The following CTIF variants were observed in gnomAD, a reference collection of about 807,000 sequenced individuals.
CTIF encodes CBP80/20-dependent translation initiation factor.
CTIF carries 21 observed loss-of-function variants against 66.0 expected under a neutral mutation model. That is an observed-to-expected ratio of 0.32 (90% CI 0.23 to 0.46). CTIF has a LOEUF of 0.46. CTIF is among the 20% of genes least tolerant of loss of function. CTIF has a pLI of 1.00. For synonymous variants in CTIF, 345 were observed against 326.4 expected (o/e 1.06, Z -0.62); for missense variants, 739 against 812.7 (o/e 0.91, Z 1.10).
intron 7 of CTIF, among the ~76,000 whole-genome samples, chr18:48,724,513 C>A (rs1430615170): frequency 2.0e-5 from 3 of 152,210 alleles, no homozygotes; most frequent in Non-Finnish European, 4.4e-5. Context: ...CCTCTTGTTC[C>A]TGCTGGCCTC....
At chr18:48,695,623 A>T (rs959432873) in intron 6 of CTIF, among the ~76,000 whole-genome samples, 1 of 152,214 alleles carries the variant, frequency 6.6e-6, no homozygotes, top group Non-Finnish European at 1.5e-5. Context: ...AGAATAGATA[A>T]TCGTAGTACC....
chr18:48,679,933 T>C (rs1020785825), intron 6 of CTIF, among the ~76,000 whole-genome samples: 14 of 151,352 alleles, frequency 9.2e-5, no homozygotes, highest in African/African-American at 3.4e-4. Context: ...CTGTTGAGAG[T>C]GGGGGAGTCC....
chr18:48,857,472 T>C (rs1647397063), intron 10 of CTIF, 116 bp from the exon 11 acceptor site: 1 of 830,014 alleles, frequency 1.2e-6, no homozygotes, highest in South Asian at 1.9e-5. Flanking sequence ...TTGGAGATGT[T>C]TGTTACAGGC....
chr18:48,708,164 A>G (rs2092182375), intron 6 of CTIF, among the ~76,000 whole-genome samples: 1 of 152,182 alleles, frequency 6.6e-6, no homozygotes, highest in Admixed American at 6.5e-5. Context: ...CTTATGAACA[A>G]TGCTGCCCAG....
intron 6 of CTIF, among the ~76,000 whole-genome samples, chr18:48,676,616 G>A (rs375582829): frequency 1.2e-4 from 18 of 152,156 alleles, no homozygotes; most frequent in African/African-American, 3.6e-4. Flanking sequence ...GACGCCACCC[G>A]GTCAAGTGGG....
At chr18:48,730,438 CCCCTGTGGTGTGAGGGGCT>C in intron 7 of CTIF, among the ~76,000 whole-genome samples, 1 of 135,878 alleles carries the variant, frequency 7.4e-6, no homozygotes, top group Admixed American at 7.2e-5. Flanking sequence ...CTGTGAGGGG[CCCCTGTGGTGTGAGGGGCT>C]TCCGCGGTGT....
chr18:48,803,777 G>C lies in CTIF; in HGVS notation c.1372-13444G>C, dbSNP rs555227677. Among the ~76,000 whole-genome samples, 7 of 152,306 alleles carry C rather than the reference G, an allele frequency of 4.6e-5. No homozygotes were observed. In the East Asian group the frequency reaches 1.2e-3, roughly 25 times the overall value. On this transcript the variant is annotated intron_variant, in intron 9 of 11. Coordinates refer to ENST00000256413, the MANE Select transcript of CTIF (RefSeq NM_014772.3). ...TTTGAGGGTTTGACATTTGGGGAGG[G>C]GGGGCTCTGTCTTCCTTTTGGCTCA...
intron 9 of CTIF, among the ~76,000 whole-genome samples, chr18:48,807,092 A>T (rs183211583): frequency 1.3e-5 from 2 of 152,316 alleles, no homozygotes; most frequent in Admixed American, 1.3e-4. Context: ...CGGTTGGCAG[A>T]AAGGACTCCT....
At chr18:48,846,743 A>T (rs1393214387) in intron 10 of CTIF, among the ~76,000 whole-genome samples, 1 of 151,544 alleles carries the variant, frequency 6.6e-6, no homozygotes, top group Non-Finnish European at 1.5e-5. Flanking sequence ...GGATGGATGG[A>T]TGAGTAGGTG....
intron 6 of CTIF, among the ~76,000 whole-genome samples, chr18:48,681,645 C>T (rs1480106486): frequency 1.3e-5 from 2 of 152,202 alleles, no homozygotes; most frequent in Admixed American, 1.3e-4. Flanking sequence ...CGGCTTCTTT[C>T]CTGTGACTCC....
chr18:48,713,551 G>A (rs2092250335), intron 7 of CTIF, among the ~76,000 whole-genome samples: 1 of 152,136 alleles, frequency 6.6e-6, no homozygotes, highest in Admixed American at 6.5e-5. Context: ...CCAATGTCCG[G>A]GTTAGGTCAG....
At position 48,859,848 on chromosome 18, in the gene CTIF, C is replaced by T. The variant is rs1195513334; in HGVS notation, c.*289C>T. On this transcript the variant is annotated 3_prime_UTR_variant, in exon 12 of 12. Coordinates refer to ENST00000256413, the MANE Select transcript of CTIF (RefSeq NM_014772.3). Reference sequence around the variant, plus strand: ...CCCCTTCCTCACTCCCGCCTCTCCCCTCCCCATCAGACCCATCCCCCACGG... The same window carrying T: ...CCCCTTCCTCACTCCCGCCTCTCCCTTCCCCATCAGACCCATCCCCCACGG... 1.2e-5 allele frequency: 7 copies of T among 601,080 alleles called. 1 individual carries two copies. In the East Asian group the frequency reaches 2.5e-4, roughly 22 times the overall value. 37.2% of individuals were successfully genotyped at this position (601,080 alleles called of 1,614,324 possible).
At chr18:48,792,735 A>T (rs1339500111) in intron 9 of CTIF, among the ~76,000 whole-genome samples, 2 of 152,162 alleles carry the variant, frequency 1.3e-5, no homozygotes, top group African/African-American at 4.8e-5. Context: ...GGATAACCTA[A>T]GATCTGGGGC....
intron 10 of CTIF, among the ~76,000 whole-genome samples, chr18:48,849,191 C>CTTT (rs892473113): frequency 0.054 from 5,311 of 98,942 alleles, 370 homozygotes; most frequent in African/African-American, 0.15. Flanking sequence ...CTACCAATGC[C>CTTT]TTTTTTTTTT....
intron 6 of CTIF, chr18:48,673,469 G>A (rs299739): frequency 0.62 from 93,677 of 151,954 alleles, 30,600 homozygotes; most frequent in East Asian, 0.95. Flanking sequence ...TTTTTCCATC[G>A]TCTCCTGTAT....
At chr18:48,857,738 A>G in intron 11 of CTIF, 97 bp downstream of exon 11, 3 of 1,146,616 alleles carry the variant, frequency 2.6e-6, no homozygotes, top group East Asian at 2.6e-5. Flanking sequence ...AGGCATTTAC[A>G]AGTCCAGGGG....
chr18:48,669,634 A>G (rs1018119755), intron 5 of CTIF, among the ~76,000 whole-genome samples: 2 of 151,602 alleles, frequency 1.3e-5, no homozygotes, highest in Non-Finnish European at 2.9e-5. Flanking sequence ...TAGTAGCAAT[A>G]TATTTACTTC....
At chr18:48,769,241 C>A (rs1481187751) in intron 9 of CTIF, among the ~76,000 whole-genome samples, 1 of 152,222 alleles carries the variant, frequency 6.6e-6, no homozygotes. Flanking sequence ...GGGATAGAAG[C>A]ACATTGTTCT....
chr18:48,578,994 G>C (rs893436304), intron 1 of CTIF, among the ~76,000 whole-genome samples: 11 of 152,156 alleles, frequency 7.2e-5, no homozygotes, highest in African/African-American at 2.7e-4. Flanking sequence ...ATTTAGGTCT[G>C]TGGTGCAGTT....
Sources: gnomAD v4.1 joint callset for allele counts (sites outside exome capture counted in the v4.1 genomes callset) on GRCh38, gnomAD v4.1.1 for gene constraint, MANE v1.5 for transcripts, NCBI Gene and HGNC (gene_info 2026-07-23, HGNC 2026-07-21) for gene names.